LINGO2: variants seen among roughly 807,000 people sequenced by gnomAD.
LINGO2 encodes leucine-rich repeat and immunoglobulin-like domain-containing nogo receptor-interacting protein 2.
Under a neutral mutation model 30.6 loss-of-function variants are expected in LINGO2, and 14 were observed. The observed-to-expected ratio is 0.46, with a 90% confidence interval of 0.30 to 0.72. LINGO2 has a LOEUF of 0.72. LINGO2 is among the 30% of genes least tolerant of loss of function. LINGO2 has a pLI of 0.07. For missense variants in LINGO2, 729 were observed against 751.7 expected (o/e 0.97, Z 0.35); for synonymous variants, 317 against 288.5 (o/e 1.10, Z -1.00).
chr9:29,121,416 T>C, the LINGO2 span, among the ~76,000 whole-genome samples: 1 of 152,064 alleles, frequency 6.6e-6, no homozygotes, highest in South Asian at 2.1e-4. Context: ...TTCTAAATCA[T>C]CTCATTATCC....
chr9:28,732,501 A>G, the LINGO2 span, among the ~76,000 whole-genome samples: 5 of 152,162 alleles, frequency 3.3e-5, 1 homozygote, highest in African/African-American at 1.2e-4. Context: ...ATGGTAGAAA[A>G]TAGAATACGA....
chr9:29,093,759 C>T, the LINGO2 span, among the ~76,000 whole-genome samples: 1 of 136,700 alleles, frequency 7.3e-6, no homozygotes, highest in Non-Finnish European at 1.6e-5. Flanking sequence ...GAATAAAGGT[C>T]TCCTGAATTT....
chr9:28,041,970 G>T (rs760636775), intron 4 of LINGO2, among the ~76,000 whole-genome samples: 1 of 152,168 alleles, frequency 6.6e-6, no homozygotes, highest in Non-Finnish European at 1.5e-5. Flanking sequence ...TGGTTTTAAA[G>T]CTTAGCTCTG....
At chr9:28,035,185 T>C (rs1386316779) in intron 4 of LINGO2, among the ~76,000 whole-genome samples, 1 of 152,250 alleles carries the variant, frequency 6.6e-6, no homozygotes, top group Non-Finnish European at 1.5e-5. Flanking sequence ...TTTATTTTCC[T>C]AGCTTTTGTC....
At chr9:29,196,244 CA>C in the LINGO2 span, among the ~76,000 whole-genome samples, 2 of 151,992 alleles carry the variant, frequency 1.3e-5, no homozygotes, top group African/African-American at 4.8e-5. Flanking sequence ...CCAATTTTCA[CA>C]AAAGACCTGA....
In LINGO2 at chr9:28,656,253, A is replaced by T. The variant is rs540238116; in HGVS notation, c.-365+13947T>A. On this transcript the variant is annotated intron_variant, in intron 1 of 5. Transcript: ENST00000379992. The stretch of plus-strand genomic sequence containing the variant: ...GTTCTAAAGCAAGTGGGTTAAAGTT[A>T]AAAAAAAATAGCATATTTACATAGT... 8.2e-4 allele frequency among the ~76,000 whole-genome samples: 122 copies of T among 149,676 alleles called. No homozygotes were observed. The South Asian group carries it at 0.023, about 28-fold the overall frequency.
At chr9:27,962,013 T>C (rs1819871633) in intron 5 of LINGO2, among the ~76,000 whole-genome samples, 1 of 152,144 alleles carries the variant, frequency 6.6e-6, no homozygotes, top group African/African-American at 2.4e-5. Flanking sequence ...ATGTGTGGGG[T>C]GCCTGGGCAG....
intron 3 of LINGO2, among the ~76,000 whole-genome samples, chr9:28,346,033 C>T (rs1409935361): frequency 2.0e-5 from 3 of 152,162 alleles, no homozygotes; most frequent in Non-Finnish European, 4.4e-5. Flanking sequence ...CCACAGATTT[C>T]TGATTTATCA....
chr9:28,405,205 C>G (rs767660800), intron 2 of LINGO2, among the ~76,000 whole-genome samples: 1 of 152,010 alleles, frequency 6.6e-6, no homozygotes, highest in Non-Finnish European at 1.5e-5. Flanking sequence ...ATATATATTA[C>G]GTAACTTGTA....
chr9:28,002,825 C>A (rs995579004), intron 5 of LINGO2, among the ~76,000 whole-genome samples: 1 of 152,108 alleles, frequency 6.6e-6, no homozygotes, highest in South Asian at 2.1e-4. Context: ...TGGTTTCCTT[C>A]GAAACACCAT....
At chr9:28,496,208 A>G (rs1425113354) in intron 1 of LINGO2, among the ~76,000 whole-genome samples, 3 of 151,924 alleles carry the variant, frequency 2.0e-5, no homozygotes, top group Non-Finnish European at 4.4e-5. Flanking sequence ...CAATTCCTGG[A>G]TATCCTTTCT....
At chr9:28,288,246 C>T (rs1420426817) in intron 4 of LINGO2, among the ~76,000 whole-genome samples, 3 of 152,162 alleles carry the variant, frequency 2.0e-5, no homozygotes, top group Non-Finnish European at 4.4e-5. Context: ...CTCCCAATAT[C>T]ACAATTTCAA....
Position 28,377,087 on chromosome 9 carries a change from A to G in LINGO2, c.-278-4219T>C, listed in dbSNP as rs775281232. Among the ~76,000 whole-genome samples, 12 of 151,226 alleles carry G rather than the reference A, an allele frequency of 7.9e-5. No individual in the cohort carries two copies. In the South Asian group the frequency reaches 2.5e-3, roughly 32 times the overall value. On this transcript the variant is annotated intron_variant, in intron 2 of 5. Transcript: ENST00000379992. ...CAAACACACGTTGATTTATAATATT[A>G]TATTAAAATACAGTTGACCCATGAA... is the stretch of plus-strand genomic sequence containing the variant.
chr9:28,328,845 T>C (rs998524126), intron 3 of LINGO2, among the ~76,000 whole-genome samples: 1 of 152,174 alleles, frequency 6.6e-6, no homozygotes, highest in African/African-American at 2.4e-5. Context: ...GGTTACAAGA[T>C]GTCAGTAGGT....
chr9:28,853,738 T>C, the LINGO2 span, among the ~76,000 whole-genome samples: 9 of 151,838 alleles, frequency 5.9e-5, no homozygotes, highest in Non-Finnish European at 1.0e-4. Context: ...TATATAATGA[T>C]CAGATCTTGT....
chr9:28,360,838 G>A (rs1820411065), intron 3 of LINGO2, among the ~76,000 whole-genome samples: 1 of 151,880 alleles, frequency 6.6e-6, no homozygotes, highest in Non-Finnish European at 1.5e-5. Context: ...TTCTATTCCT[G>A]AGTATGACCT....
At chr9:29,145,604 C>A in the LINGO2 span, among the ~76,000 whole-genome samples, 1 of 152,004 alleles carries the variant, frequency 6.6e-6, no homozygotes, top group South Asian at 2.1e-4. Context: ...AGCAATCAAC[C>A]AAAATATATT....
At chr9:28,104,585 A>G (rs1826525663) in intron 4 of LINGO2, among the ~76,000 whole-genome samples, 1 of 151,984 alleles carries the variant, frequency 6.6e-6, no homozygotes, top group Non-Finnish European at 1.5e-5. Flanking sequence ...TTCAATTACA[A>G]TTCCATGATC....
chr9:28,425,154 C>G (rs1395365876), intron 2 of LINGO2, among the ~76,000 whole-genome samples: 1 of 150,426 alleles, frequency 6.6e-6, no homozygotes, highest in Non-Finnish European at 1.5e-5. Flanking sequence ...TTTTAAGTGT[C>G]TTTACATTCT....
Sources: allele counts gnomAD v4.1 joint callset (sites outside exome capture counted in the v4.1 genomes callset), GRCh38; gene constraint gnomAD v4.1.1; transcripts MANE v1.5; gene names NCBI Gene and HGNC (gene_info 2026-07-23, HGNC 2026-07-21).